DEUP1: variants seen among roughly 807,000 people sequenced by gnomAD.
The protein encoded by DEUP1 is coiled-coil domain containing 67.
In DEUP1, 82 loss-of-function variants were observed where a neutral mutation model predicts 87.4. The ratio of observed to expected loss-of-function variants is 0.94; its 90% CI spans 0.78 to 1.13. The LOEUF (loss-of-function observed/expected upper bound fraction) is 1.13, where lower values mean the gene tolerates loss of function less well. Ranked by LOEUF, DEUP1 falls within the 50% of genes most tolerant of loss-of-function variation. The pLI, the probability that DEUP1 is intolerant of heterozygous loss-of-function variation, is 0.00. For synonymous variants in DEUP1, 214 were observed against 222.7 expected, an observed-to-expected ratio of 0.96 and a Z score of 0.35; for missense variants, 663 against 681.5, an observed-to-expected ratio of 0.97 and a Z score of 0.30.
At chr11:93,347,934 G>T (rs1363174395) in intron 2 of DEUP1, among the ~76,000 whole-genome samples, 1 of 151,960 alleles carries the variant, frequency 6.6e-6, no homozygotes, top group African/African-American at 2.4e-5. Flanking sequence ...TAGAGACAGG[G>T]TTTCACCATG....
At chr11:93,381,542 T>G (rs1221852565) in intron 7 of DEUP1, among the ~76,000 whole-genome samples, 1 of 152,206 alleles carries the variant, frequency 6.6e-6, no homozygotes, top group Non-Finnish European at 1.5e-5. Flanking sequence ...GTATGCTTAT[T>G]AATTTCATTG....
intron 2 of DEUP1, among the ~76,000 whole-genome samples, chr11:93,336,112 TCAAAA>T (rs1412529768): frequency 2.6e-5 from 4 of 151,772 alleles, no homozygotes; most frequent in Non-Finnish European, 1.5e-5. Context: ...AAACTCCATC[TCAAAA>T]CAAAAACAAA....
At chr11:93,409,245 T>C (rs1470115312) in intron 12 of DEUP1, among the ~76,000 whole-genome samples, 1 of 152,192 alleles carries the variant, frequency 6.6e-6, no homozygotes, top group African/African-American at 2.4e-5. Flanking sequence ...TATAAGAGGT[T>C]TTCTCCAAAT....
intron 8 of DEUP1, among the ~76,000 whole-genome samples, chr11:93,387,839 A>G (rs767514328): frequency 1.2e-4 from 18 of 152,140 alleles, no homozygotes; most frequent in Non-Finnish European, 2.5e-4. Context: ...ATATATTACT[A>G]AGTAGGAAAC....
chr11:93,416,277 A>C (rs890259834), intron 13 of DEUP1, among the ~76,000 whole-genome samples: 3 of 152,200 alleles, frequency 2.0e-5, no homozygotes, highest in Non-Finnish European at 4.4e-5. Context: ...AAATTGATAG[A>C]CTGCTAACAA....
intron 5 of DEUP1, among the ~76,000 whole-genome samples, chr11:93,368,864 A>G (rs1294659088): frequency 6.6e-6 from 1 of 152,026 alleles, no homozygotes; most frequent in East Asian, 1.9e-4. Flanking sequence ...TGAACCTGGG[A>G]GGTAGAGGTT....
chr11:93,364,676 A>G (rs1437368807), intron 5 of DEUP1, among the ~76,000 whole-genome samples: 6 of 152,062 alleles, frequency 3.9e-5, no homozygotes, highest in African/African-American at 1.4e-4. Flanking sequence ...AAGCCTCATC[A>G]CAGTTTTTAA....
intron 7 of DEUP1, among the ~76,000 whole-genome samples, chr11:93,376,164 G>C (rs946365767): frequency 5.9e-5 from 9 of 152,038 alleles, no homozygotes; most frequent in African/African-American, 2.2e-4. Context: ...GGCTGGTCTC[G>C]AACTCCTGAG....
intron 3 of DEUP1, among the ~76,000 whole-genome samples, 183 bp downstream of exon 3, chr11:93,355,725 T>A (rs1261914416): frequency 6.6e-6 from 1 of 152,210 alleles, no homozygotes; most frequent in African/African-American, 2.4e-5. Context: ...AATCAGAACC[T>A]AAATCCATAG....
intron 7 of DEUP1, among the ~76,000 whole-genome samples, chr11:93,380,230 G>A (rs1946238237): frequency 6.6e-6 from 1 of 152,156 alleles, no homozygotes; most frequent in Non-Finnish European, 1.5e-5. Context: ...TTTGAAGTGA[G>A]TCATTTTTCT....
intron 11 of DEUP1, among the ~76,000 whole-genome samples, chr11:93,404,060 TG>T: frequency 6.6e-6 from 1 of 152,064 alleles, no homozygotes. Flanking sequence ...TGACTACCTA[TG>T]AAGCTGCCTG....
chr11:93,402,304 G>C (rs897966957), intron 11 of DEUP1, among the ~76,000 whole-genome samples: 2 of 151,882 alleles, frequency 1.3e-5, no homozygotes, highest in Admixed American at 6.6e-5. Flanking sequence ...ACCGCAATCA[G>C]ATATCATCAC....
At chr11:93,432,396 A>G (rs1029673773) in intron 13 of DEUP1, among the ~76,000 whole-genome samples, 4 of 152,230 alleles carry the variant, frequency 2.6e-5, no homozygotes, top group Non-Finnish European at 5.9e-5. Flanking sequence ...AAGCCAGGCC[A>G]CAACGTAATG....
At chr11:93,417,762 G>C (rs1591259183) in intron 13 of DEUP1, among the ~76,000 whole-genome samples, 2 of 151,188 alleles carry the variant, frequency 1.3e-5, no homozygotes, top group Non-Finnish European at 2.9e-5. Context: ...GAGGCATCAT[G>C]CTACCTGACT....
chr11:93,398,261 C>T (rs1947003096), intron 11 of DEUP1, among the ~76,000 whole-genome samples: 1 of 152,012 alleles, frequency 6.6e-6, no homozygotes, highest in Non-Finnish European at 1.5e-5. Context: ...TTTATAATAG[C>T]TTGATAATAT....
chr11:93,420,423 A>C (rs577406484), intron 13 of DEUP1, among the ~76,000 whole-genome samples: 16 of 152,362 alleles, frequency 1.1e-4, no homozygotes, highest in African/African-American at 3.8e-4. Flanking sequence ...CAAAATCATA[A>C]GAGCTATCTA....
At chr11:93,335,941 C>A (rs914640487) in intron 2 of DEUP1, among the ~76,000 whole-genome samples, 4 of 152,004 alleles carry the variant, frequency 2.6e-5, no homozygotes, top group African/African-American at 4.8e-5. Flanking sequence ...ATGGAGAAAC[C>A]CCGTCTCTAC....
intron 8 of DEUP1, among the ~76,000 whole-genome samples, chr11:93,388,132 C>T (rs1240659456): frequency 7.9e-5 from 12 of 152,088 alleles, no homozygotes. Context: ...ATAACAGATC[C>T]TCTATTTTCA....
At chr11:93,415,883 C>T (rs1947604961) in intron 13 of DEUP1, among the ~76,000 whole-genome samples, 1 of 151,942 alleles carries the variant, frequency 6.6e-6, no homozygotes, top group African/African-American at 2.4e-5. Context: ...AAAATTCATT[C>T]ATTCATTCTA....
Sources: gnomAD v4.1 joint callset for allele counts (sites outside exome capture counted in the v4.1 genomes callset) on GRCh38, gnomAD v4.1.1 for gene constraint, MANE v1.5 for transcripts, NCBI Gene and HGNC (gene_info 2026-07-23, HGNC 2026-07-21) for gene names.